DPP10: variants seen among roughly 807,000 people sequenced by gnomAD.
DPP10 encodes the protein inactive dipeptidyl peptidase 10.
In DPP10, 33 loss-of-function variants were observed where a neutral mutation model predicts 120.9. The ratio of observed to expected loss-of-function variants is 0.27; its 90% CI spans 0.21 to 0.37. DPP10 has a LOEUF of 0.37. Among genes scored for constraint, DPP10 ranks in the 10% least tolerant of loss-of-function variants. DPP10 has a pLI of 1.00. For missense variants in DPP10, 816 were observed against 942.8 expected, an observed-to-expected ratio of 0.87 and a Z score of 1.76; for synonymous variants, 337 against 326.1, an observed-to-expected ratio of 1.03 and a Z score of -0.36.
chr2:114,618,072 C>T (rs1385224544), intron 1 of DPP10, among the ~76,000 whole-genome samples: 1 of 152,024 alleles, frequency 6.6e-6, no homozygotes, highest in African/African-American at 2.4e-5. Context: ...TTTTAGGTCT[C>T]CATGATGGGC....
At chr2:115,799,572 T>G (rs1238419377) in intron 19 of DPP10, among the ~76,000 whole-genome samples, 1 of 143,812 alleles carries the variant, frequency 7.0e-6, no homozygotes, top group African/African-American at 2.6e-5. Flanking sequence ...CTCCTAATGC[T>G]ATCCCTCCCC....
chr2:115,197,909 C>T (rs1198476885), intron 1 of DPP10, among the ~76,000 whole-genome samples: 1 of 152,222 alleles, frequency 6.6e-6, no homozygotes, highest in East Asian at 1.9e-4. Context: ...GTAGTACTCC[C>T]CAAAGAGCAA....
At chr2:114,451,497 A>G (rs898187578) in intron 1 of DPP10, among the ~76,000 whole-genome samples, 4 of 152,220 alleles carry the variant, frequency 2.6e-5, no homozygotes, top group Non-Finnish European at 5.9e-5. Flanking sequence ...CCAAGCCAGA[A>G]CTCTACATAG....
chr2:115,675,777 C>T (rs2090204196), intron 5 of DPP10, among the ~76,000 whole-genome samples: 1 of 152,196 alleles, frequency 6.6e-6, no homozygotes, highest in Non-Finnish European at 1.5e-5. Context: ...AGATCACCTT[C>T]ACTCGTTGGG....
At chr2:115,838,766 C>A (rs1466137572) in intron 24 of DPP10, among the ~76,000 whole-genome samples, 1 of 152,076 alleles carries the variant, frequency 6.6e-6, no homozygotes, top group Non-Finnish European at 1.5e-5. Context: ...GGAAATGCAC[C>A]TGTGAATGTG....
intron 1 of DPP10, among the ~76,000 whole-genome samples, chr2:114,807,841 T>C (rs931822888): frequency 6.6e-6 from 1 of 152,178 alleles, no homozygotes; most frequent in Non-Finnish European, 1.5e-5. Context: ...TCATAAAGCC[T>C]GGGGTATCAC....
At chr2:114,985,915 C>A (rs1700365586) in intron 1 of DPP10, among the ~76,000 whole-genome samples, 1 of 152,118 alleles carries the variant, frequency 6.6e-6, no homozygotes, top group African/African-American at 2.4e-5. Context: ...GTTTACATTT[C>A]ATTTTAAAAA....
In DPP10 at chr2:115,780,968, A is replaced by C. The variant is rs1682694698; in HGVS notation, c.1456A>C (p.Asn486His). 6 of 1,592,488 alleles carry C rather than the reference A, an allele frequency of 3.8e-6. No individual in the cohort carries two copies. Among genetic ancestry groups the C allele is most frequent in the Non-Finnish European group, 5.2e-6 (6 of 1,164,742 alleles). The part of the protein sequence containing the change: ...TYFDASFSPM[N>H]QHFLLFCEGP... The stretch of plus-strand genomic sequence containing the variant: ...TTTTGATGCCAGTTTTAGTCCCATG[A>C]ATCAACATTTCTTATTATTCTGTGA... Residue 486 changes from asparagine (N) to histidine (H), a missense_variant, in exon 16 of 26, where the codon AAT becomes CAT. Physicochemically the swap from Asn to His is moderately conservative, Grantham distance 68 (BLOSUM62 1). Coordinates refer to ENST00000410059, the MANE Select transcript of DPP10 (RefSeq NM_020868.6).
At chr2:115,546,132 C>G (rs1161402593) in intron 5 of DPP10, among the ~76,000 whole-genome samples, 1 of 152,114 alleles carries the variant, frequency 6.6e-6, no homozygotes, top group East Asian at 1.9e-4. Context: ...TCCACATCTA[C>G]AAGACAATGA....
At chr2:115,728,343 A>G (rs1293597377) in intron 8 of DPP10, among the ~76,000 whole-genome samples, 1 of 151,956 alleles carries the variant, frequency 6.6e-6, no homozygotes, top group Non-Finnish European at 1.5e-5. Flanking sequence ...TATTTCCATT[A>G]GGGACATTCT....
chr2:114,708,035 T>A (rs1700790360), intron 1 of DPP10, among the ~76,000 whole-genome samples: 1 of 152,176 alleles, frequency 6.6e-6, no homozygotes, highest in Non-Finnish European at 1.5e-5. Context: ...CACGGCTGCT[T>A]CAGGGGTCAT....
intron 3 of DPP10, among the ~76,000 whole-genome samples, chr2:115,404,936 G>T (rs193050148): frequency 2.7e-4 from 41 of 152,262 alleles, no homozygotes; most frequent in Admixed American, 2.2e-3. Flanking sequence ...CCACATTGGG[G>T]AACATGGTTC....
At chr2:114,452,018 G>T (rs943761397) in intron 1 of DPP10, among the ~76,000 whole-genome samples, 4 of 152,070 alleles carry the variant, frequency 2.6e-5, no homozygotes, top group Non-Finnish European at 5.9e-5. Flanking sequence ...ATTAATATAT[G>T]GTCTTTAAAT....
intron 5 of DPP10, among the ~76,000 whole-genome samples, chr2:115,633,934 T>C (rs2086105602): frequency 6.6e-6 from 1 of 152,222 alleles, no homozygotes; most frequent in Non-Finnish European, 1.5e-5. Context: ...AGTCATAGGT[T>C]CAGTCTTTTT....
At chr2:115,441,580 T>C (rs1345365763) in intron 3 of DPP10, among the ~76,000 whole-genome samples, 1 of 152,150 alleles carries the variant, frequency 6.6e-6, no homozygotes, top group Non-Finnish European at 1.5e-5. Flanking sequence ...GAATATTACT[T>C]ACCTGTCTCA....
intron 2 of DPP10, among the ~76,000 whole-genome samples, chr2:115,309,776 G>A (rs1193382502): frequency 6.6e-6 from 1 of 152,012 alleles, no homozygotes; most frequent in Non-Finnish European, 1.5e-5. Flanking sequence ...AGATCAGATC[G>A]AAAGAGAGTG....
intron 1 of DPP10, among the ~76,000 whole-genome samples, chr2:115,135,131 G>T (rs1012088866): frequency 6.6e-6 from 1 of 151,976 alleles, no homozygotes; most frequent in Non-Finnish European, 1.5e-5. Flanking sequence ...CAGCATGCTA[G>T]ATGTTGGAGA....
intron 11 of DPP10, among the ~76,000 whole-genome samples, chr2:115,756,552 G>A (rs910737955): frequency 1.3e-5 from 2 of 151,834 alleles, no homozygotes; most frequent in African/African-American, 4.8e-5. Context: ...ATCAATTAAA[G>A]ATAAAAATAA....
At chr2:114,791,224 C>A (rs1683218260) in intron 1 of DPP10, among the ~76,000 whole-genome samples, 1 of 152,262 alleles carries the variant, frequency 6.6e-6, no homozygotes, top group Non-Finnish European at 1.5e-5. Context: ...GGATCAAATA[C>A]AGATCACCTG....
Sources: allele counts gnomAD v4.1 joint callset (sites outside exome capture counted in the v4.1 genomes callset), GRCh38; gene constraint gnomAD v4.1.1; transcripts MANE v1.5; gene names NCBI Gene and HGNC (gene_info 2026-07-23, HGNC 2026-07-21).